Variants in TECRL observed in about 807,000 individuals in gnomAD.
The protein encoded by TECRL is trans-2,3-enoyl-CoA reductase like, also known as trans-2,3-enoyl-CoA reductase-like.
TECRL carries 63 observed loss-of-function variants against 52.8 expected under a neutral mutation model. The observed-to-expected ratio is 1.19, with a 90% CI of 0.97 to 1.47. The LOEUF is 1.47. TECRL is among the 40% of genes most tolerant of loss of function. The probability of loss-of-function intolerance (pLI) is 0.00; values close to 1 mark genes in which losing one functional copy is unlikely to be tolerated. For synonymous variants in TECRL, 164 were observed against 141.9 expected, an observed-to-expected ratio of 1.16 and a Z score of -1.10; for missense variants, 482 against 429.6, an observed-to-expected ratio of 1.12 and a Z score of -1.08.
intron 2 of TECRL, among the ~76,000 whole-genome samples, chr4:64,345,989 A>G (rs919265899): frequency 6.8e-6 from 1 of 147,952 alleles, no homozygotes; most frequent in Non-Finnish European, 1.5e-5. Flanking sequence ...ACTAAGATAA[A>G]TATGCACACA....
rs566941142 is a variant in TECRL, at chr4:64,367,687, T to G, written c.286+7485A>C. On this transcript the variant is annotated intron_variant, in intron 2 of 11. Transcript: ENST00000381210. ...ATAATAATGACCTTCAAAATCATAA[T>G]GATCTTTTGTCTAAAATTGAAGAAT... Among the ~76,000 whole-genome samples, 5 of 152,218 alleles carry G rather than the reference T, an allele frequency of 3.3e-5. No individual in the cohort carries two copies. The South Asian group carries it at 8.3e-4, about 25-fold the overall frequency.
intron 1 of TECRL, among the ~76,000 whole-genome samples, chr4:64,396,676 T>A (rs1041212795): frequency 6.6e-6 from 1 of 152,176 alleles, no homozygotes; most frequent in African/African-American, 2.4e-5. Context: ...CAGTTGTCAT[T>A]TTTTTATTAT....
chr4:64,320,996 CATTT>C (rs1206061812), intron 4 of TECRL, among the ~76,000 whole-genome samples: 2 of 151,948 alleles, frequency 1.3e-5, no homozygotes, highest in Non-Finnish European at 2.9e-5. Context: ...ATTTGATATT[CATTT>C]ATTTGTTTGT....
chr4:64,378,418 T>A (rs910102527), intron 1 of TECRL, among the ~76,000 whole-genome samples: 2 of 151,776 alleles, frequency 1.3e-5, no homozygotes, highest in African/African-American at 4.8e-5. Context: ...GAAAAAAAAA[T>A]TAGCAGGGCA....
At chr4:64,313,513 T>C (rs1340086341) in intron 5 of TECRL, among the ~76,000 whole-genome samples, 2 of 145,132 alleles carry the variant, frequency 1.4e-5, no homozygotes, top group Non-Finnish European at 3.0e-5. Context: ...ACGGAGTCTT[T>C]CTCTGTCCCC....
intron 8 of TECRL, among the ~76,000 whole-genome samples, chr4:64,293,554 T>C (rs1401457341): frequency 6.6e-6 from 1 of 152,152 alleles, no homozygotes; most frequent in African/African-American, 2.4e-5. Context: ...CATTGTGTCT[T>C]GGTCAGTAAC....
chr4:64,372,386 A>T (rs952357401), intron 2 of TECRL, among the ~76,000 whole-genome samples: 11 of 151,838 alleles, frequency 7.2e-5, no homozygotes, highest in African/African-American at 2.7e-4. Flanking sequence ...TTCTGTTTTC[A>T]TGAAAAACAT....
chr4:64,409,285 G>T lies in TECRL; in HGVS notation c.67C>A (p.Arg23=), dbSNP rs371049748. The stretch of plus-strand genomic sequence containing the variant: ...CTCATATCATCCTTCAGTATGAACC[G>T]TGTAGCTCTTTGGGAAAGTAATGCT... The part of the protein sequence containing the change: ...KRALLSQRAT[R]FILKDDMRNF... The change falls in exon 1 of 12, where the codon CGG becomes AGG. Residue 23 remains arginine, a synonymous_variant. Transcript: ENST00000381210. The T allele has an allele frequency of 6.8e-6, 11 of 1,613,384 alleles. No individual in the cohort carries two copies. The highest frequency in any genetic ancestry group is 4.4e-5 in the South Asian group (4 of 91,064).
chr4:64,346,424 G>A (rs1244114727), intron 2 of TECRL, among the ~76,000 whole-genome samples: 1 of 152,180 alleles, frequency 6.6e-6, no homozygotes, highest in Admixed American at 6.5e-5. Flanking sequence ...GACATCCGGG[G>A]GTTTCCATAC....
At chr4:64,337,735 T>G (rs1719217125) in intron 2 of TECRL, among the ~76,000 whole-genome samples, 1 of 152,100 alleles carries the variant, frequency 6.6e-6, no homozygotes, top group Admixed American at 6.5e-5. Context: ...ATGAAGGACC[T>G]CTTCAAGGAG....
intron 9 of TECRL, among the ~76,000 whole-genome samples, chr4:64,285,808 T>C (rs1254143643): frequency 6.6e-6 from 1 of 151,966 alleles, no homozygotes; most frequent in Non-Finnish European, 1.5e-5. Context: ...AAGAAAATGA[T>C]GCCCAGAGAA....
intron 9 of TECRL, 71 bp downstream of exon 9, chr4:64,289,639 T>G (rs185260229): frequency 8.5e-7 from 1 of 1,176,542 alleles, no homozygotes; most frequent in East Asian, 3.1e-5. Context: ...AAAGATTTTT[T>G]GAAGTAAGAT....
At chr4:64,401,001 G>A (rs974521149) in intron 1 of TECRL, among the ~76,000 whole-genome samples, 2 of 152,272 alleles carry the variant, frequency 1.3e-5, no homozygotes, top group Non-Finnish European at 2.9e-5. Context: ...GTGTGAGGTG[G>A]CTGAGTGTCT....
intron 2 of TECRL, among the ~76,000 whole-genome samples, chr4:64,335,262 A>AGTGGCAGCATTAGATTCTC (rs1718974260): frequency 6.6e-6 from 1 of 152,118 alleles, no homozygotes; most frequent in Non-Finnish European, 1.5e-5. Context: ...TTGTCAGATA[A>AGTGGCAGCATTAGATTCTC]GTGGCAGCAT....
chr4:64,406,987 A>G (rs1455346666), intron 1 of TECRL, among the ~76,000 whole-genome samples: 1 of 141,092 alleles, frequency 7.1e-6, no homozygotes, highest in Non-Finnish European at 1.5e-5. Flanking sequence ...TATGTTTACA[A>G]ATTCAAAATG....
At chr4:64,280,991 T>C in intron 11 of TECRL, 50 bp downstream of exon 11, 1 of 1,375,274 alleles carries the variant, frequency 7.3e-7, no homozygotes, top group Non-Finnish European at 1.0e-6. Context: ...AAACCATTTA[T>C]CTTAAAGATG....
chr4:64,403,951 A>C (rs567586878), intron 1 of TECRL, among the ~76,000 whole-genome samples: 1 of 152,210 alleles, frequency 6.6e-6, no homozygotes, highest in South Asian at 2.1e-4. Flanking sequence ...GGCAGATACT[A>C]TTCCCATTTT....
chr4:64,281,557 T>C lies in TECRL; in HGVS notation c.835A>G (p.Asn279Asp), dbSNP rs370208983. The C allele has an allele frequency of 4.4e-6, 7 of 1,586,640 alleles. No homozygotes were observed. Among genetic ancestry groups the C allele is most frequent in the Non-Finnish European group, 5.2e-6 (6 of 1,162,502 alleles). The change falls in exon 10 of 12, where the codon AAC becomes GAC. Residue 279 changes from asparagine to aspartate, a missense_variant and splice_region_variant. Asn to Asp is a conservative substitution (Grantham distance 23). Transcript: ENST00000381210. ...TTTGGACTTGGGAAACAGGCATTGT[T>C]TCCTTTTTCAAAGGAAAGTAAAATG... is the stretch of plus-strand genomic sequence containing the variant. ...VMLSHPNHTG[N>D]NACFPSPNYN...
At chr4:64,294,952 C>T (rs1368970097) in intron 8 of TECRL, among the ~76,000 whole-genome samples, 2 of 151,822 alleles carry the variant, frequency 1.3e-5, no homozygotes, top group African/African-American at 4.8e-5. Flanking sequence ...GAATTAAGTG[C>T]TTTTGACAAT....
Sources: gnomAD v4.1 joint callset for allele counts (sites outside exome capture counted in the v4.1 genomes callset) on GRCh38, gnomAD v4.1.1 for gene constraint, MANE v1.5 for transcripts, NCBI Gene and HGNC (gene_info 2026-07-23, HGNC 2026-07-21) for gene names.